The following ADIPOQ variants were observed in gnomAD, a reference collection of about 807,000 sequenced individuals.
ADIPOQ encodes the protein adiponectin.
In ADIPOQ, 19 loss-of-function variants were observed where a neutral mutation model predicts 16.1. The observed-to-expected ratio is 1.18, with a 90% CI of 0.82 to 1.73. The LOEUF (loss-of-function observed/expected upper bound fraction) is 1.73. ADIPOQ is among the 40% of genes most tolerant of loss of function. ADIPOQ has a pLI of 0.00. For missense variants in ADIPOQ, 323 were observed against 308.3 expected, an observed-to-expected ratio of 1.05 and a Z score of -0.36; for synonymous variants, 124 against 125.5, an observed-to-expected ratio of 0.99 and a Z score of 0.08.
At chr3:186,844,107 C>T (rs909115211) in intron 1 of ADIPOQ, among the ~76,000 whole-genome samples, 16 of 152,274 alleles carry the variant, frequency 1.1e-4, no homozygotes, top group African/African-American at 3.6e-4. Context: ...ATGATGGTGT[C>T]AGCTTTGTTC....
In ADIPOQ at chr3:186,854,240, C is replaced by G; in HGVS notation, c.271C>G (p.Pro91Ala). The G allele has an allele frequency of 6.2e-7, 1 of 1,613,564 alleles. No homozygotes were observed. The highest frequency in any genetic ancestry group is 1.1e-5 in the South Asian group (1 of 91,044). Reference sequence around the variant, plus strand: ...AACCGGAGTACCCGGGGCTGAAGGTCCCCGAGGCTTTCCGGGAATCCAAGG... The same window carrying G: ...AACCGGAGTACCCGGGGCTGAAGGTGCCCGAGGCTTTCCGGGAATCCAAGG... ...GETGVPGAEG[P>A]RGFPGIQGRK... Residue 91 changes from proline (P) to alanine (A), a missense_variant, in exon 3 of 3, where the codon CCC becomes GCC. Physicochemically the swap from Pro to Ala is conservative, Grantham distance 27 (BLOSUM62 -1). Coordinates refer to ENST00000320741, the MANE Select transcript of ADIPOQ (RefSeq NM_004797.4).
chr3:186,854,621 G>A lies in ADIPOQ; in HGVS notation c.652G>A (p.Glu218Lys). The A allele has an allele frequency of 2.5e-6, 4 of 1,614,208 alleles. No homozygotes were observed. Among genetic ancestry groups the A allele is most frequent in the Non-Finnish European group, 3.4e-6 (4 of 1,180,046 alleles). The change falls in exon 3 of 3, where the codon GAA (glutamate) becomes AAA (lysine). Residue 218 changes from glutamate (E) to lysine (K), a missense_variant. Transcript: ENST00000320741. Reference protein sequence around the residue: ...GDQVWLQVYGEGERNGLYADN... With the variant: ...GDQVWLQVYGKGERNGLYADN... ...CCAAGTCTGGCTCCAGGTGTATGGGGAAGGAGAGCGTAATGGACTCTATGC... is the reference window on the plus strand; with the variant it reads ...CCAAGTCTGGCTCCAGGTGTATGGGAAAGGAGAGCGTAATGGACTCTATGC...
rs1438845637 is a variant in ADIPOQ at position 186,854,890 on chromosome 3, C to T, written c.*186C>T. On this transcript the variant is annotated 3_prime_UTR_variant, in exon 3 of 3. Coordinates refer to ENST00000320741, the MANE Select transcript of ADIPOQ (RefSeq NM_004797.4). ...AAAAATCATATGCTATGTTCCCAGTCCTGGGGAGCTTCACAAACATGACCA... is the reference window on the plus strand; with the variant it reads ...AAAAATCATATGCTATGTTCCCAGTTCTGGGGAGCTTCACAAACATGACCA... 1 of 846,376 alleles carries T rather than the reference C, an allele frequency of 1.2e-6. No individual in the cohort carries two copies. The highest frequency in any genetic ancestry group is 1.8e-6 in the Non-Finnish European group (1 of 555,016). 52.4% of individuals were successfully genotyped at this position (846,376 alleles called of 1,614,324 possible). A position where few individuals can be genotyped will look rare whatever the true frequency, so the allele number is the denominator to read the frequency against.
At chr3:186,844,056 A>T (rs562267535) in intron 1 of ADIPOQ, among the ~76,000 whole-genome samples, 5 of 152,130 alleles carry the variant, frequency 3.3e-5, no homozygotes, top group Admixed American at 6.6e-5. Flanking sequence ...GGTTGGGGAG[A>T]TGGGGGTCCC....
chr3:186,854,260 C>T lies in ADIPOQ; in HGVS notation c.291C>T (p.Ile97=). 2.5e-6 allele frequency: 4 copies of T among 1,613,820 alleles called. No individual in the cohort carries two copies. Among genetic ancestry groups the T allele is most frequent in the Non-Finnish European group, 3.4e-6 (4 of 1,179,724 alleles). Residue 97 remains isoleucine (I), a synonymous_variant, in exon 3 of 3, where the codon ATC becomes ATT. Coordinates refer to ENST00000320741, the MANE Select transcript of ADIPOQ (RefSeq NM_004797.4). ...AAGGTCCCCGAGGCTTTCCGGGAAT[C>T]CAAGGCAGGAAAGGAGAACCTGGAG... The part of the protein sequence containing the change: ...GAEGPRGFPG[I]QGRKGEPGEG...
chr3:186,847,431 C>T (rs565924357), intron 1 of ADIPOQ, among the ~76,000 whole-genome samples: 2 of 152,300 alleles, frequency 1.3e-5, no homozygotes, highest in East Asian at 1.9e-4. Flanking sequence ...TATACAACAA[C>T]TATGTTATTT....
intron 1 of ADIPOQ, among the ~76,000 whole-genome samples, chr3:186,848,359 A>T (rs576030458): frequency 6.6e-6 from 1 of 152,242 alleles, no homozygotes; most frequent in Non-Finnish European, 1.5e-5. Context: ...GGCAATATCT[A>T]AAAAAATAGG....
chr3:186,852,222 T>C (rs1455840683), intron 1 of ADIPOQ: 1 of 152,356 alleles, frequency 6.6e-6, no homozygotes, highest in African/African-American at 2.4e-5. Flanking sequence ...CAAACCATAT[T>C]ACCAGGGCAC....
rs1231880358 is a variant in ADIPOQ at position 186,856,704 on chromosome 3, T to A, written c.*2000T>A. 1 of 152,066 alleles carries A rather than the reference T, an allele frequency of 6.6e-6. No individual in the cohort carries two copies. The highest frequency in any genetic ancestry group is 1.5e-5 in the Non-Finnish European group (1 of 68,012). The allele number at this position is 152,066 out of a possible 1,614,324, so 9.4% of individuals were successfully genotyped here. Reference sequence around the variant, plus strand: ...TGACCTTGTGATCTGCCCGCCTCCATTTTTGTTGTTATTTTTTGAGAAAGA... The same window carrying A: ...TGACCTTGTGATCTGCCCGCCTCCAATTTTGTTGTTATTTTTTGAGAAAGA... On this transcript the variant is annotated 3_prime_UTR_variant, in exon 3 of 3. Coordinates refer to ENST00000320741, the MANE Select transcript of ADIPOQ (RefSeq NM_004797.4).
chr3:186,854,129 C>G, intron 2 of ADIPOQ, 55 bp from the exon 3 acceptor site: 3 of 1,580,116 alleles, frequency 1.9e-6, no homozygotes, highest in Middle Eastern at 1.7e-4. Flanking sequence ...AGGCTGTAAC[C>G]AACCTAGGCA....
chr3:186,847,198 G>C (rs544192715), intron 1 of ADIPOQ, among the ~76,000 whole-genome samples: 3 of 152,288 alleles, frequency 2.0e-5, no homozygotes, highest in South Asian at 2.1e-4. Flanking sequence ...CGCATTACAG[G>C]TCAGAACAAA....
At chr3:186,847,731 A>T (rs1319608390) in intron 1 of ADIPOQ, among the ~76,000 whole-genome samples, 3 of 152,224 alleles carry the variant, frequency 2.0e-5, no homozygotes, top group Non-Finnish European at 4.4e-5. Context: ...CCACAGGGAC[A>T]CAACAAATAG....
rs1427130854 is a variant in ADIPOQ at position 186,855,802 on chromosome 3, A to G, written c.*1098A>G. Reference sequence around the variant, plus strand: ...ATGGATGAGAGTCCTGGGTGTGAGGAACACCTCCCACCAGGCTAGAGGCAA... The same window carrying G: ...ATGGATGAGAGTCCTGGGTGTGAGGGACACCTCCCACCAGGCTAGAGGCAA... On this transcript the variant is annotated 3_prime_UTR_variant, in exon 3 of 3. Coordinates refer to ENST00000320741, the MANE Select transcript of ADIPOQ (RefSeq NM_004797.4). The G allele has an allele frequency of 6.6e-6, 1 of 152,066 alleles. No individual in the cohort carries two copies. The highest frequency in any genetic ancestry group is 1.5e-5 in the Non-Finnish European group (1 of 68,028). The allele number at this position is 152,066 out of a possible 1,614,324, so 9.4% of individuals were successfully genotyped here.
chr3:186,843,055 G>A (rs1435377958), intron 1 of ADIPOQ, among the ~76,000 whole-genome samples: 4 of 152,212 alleles, frequency 2.6e-5, no homozygotes, highest in African/African-American at 7.2e-5. Context: ...AGGTGGAAGG[G>A]TCTGTCCACA....
Position 186,854,403 on chromosome 3 carries a change from G to T in ADIPOQ, c.434G>T (p.Gly145Val), listed in dbSNP as rs1418713475. Residue 145 changes from glycine to valine, a missense_variant, in exon 3 of 3, where the codon GGC becomes GTC. Physicochemically the swap from Gly to Val is moderately radical, Grantham distance 109 (BLOSUM62 -3). Transcript: ENST00000320741. ...TACAATCAGCAAAACCACTATGATG[G>T]CTCCACTGGTAAATTCCACTGCAAC... ...IFYNQQNHYD[G>V]STGKFHCNIP... 1.2e-6 allele frequency: 2 copies of T among 1,614,038 alleles called. No homozygotes were observed. Among genetic ancestry groups the T allele is most frequent in the African/African-American group, 2.7e-5 (2 of 74,894 alleles).
intron 1 of ADIPOQ, among the ~76,000 whole-genome samples, chr3:186,846,363 CT>C (rs1057118667): frequency 1.3e-5 from 2 of 152,042 alleles, no homozygotes; most frequent in Non-Finnish European, 2.9e-5. Context: ...TCCTGAGTAC[CT>C]GGGATTACAG....
In ADIPOQ at chr3:186,855,787, G is replaced by A. The variant is rs542150427; in HGVS notation, c.*1083G>A. On this transcript the variant is annotated 3_prime_UTR_variant, in exon 3 of 3. Coordinates refer to ENST00000320741, the MANE Select transcript of ADIPOQ (RefSeq NM_004797.4). ...ACTTTTTATTTTGCCATGGATGAGA[G>A]TCCTGGGTGTGAGGAACACCTCCCA... is the stretch of plus-strand genomic sequence containing the variant. 1 of 152,302 alleles carries A rather than the reference G, an allele frequency of 6.6e-6. No individual in the cohort carries two copies. The highest frequency in any genetic ancestry group is 2.1e-4 in the South Asian group (1 of 4,828). The allele number at this position is 152,302 out of a possible 1,614,324, so 9.4% of individuals were successfully genotyped here. A position where few individuals can be genotyped will look rare whatever the true frequency, so the allele number is the denominator to read the frequency against.
intron 1 of ADIPOQ, among the ~76,000 whole-genome samples, chr3:186,843,466 C>T (rs977106352): frequency 2.6e-5 from 4 of 151,888 alleles, no homozygotes; most frequent in Admixed American, 2.0e-4. Context: ...TCCAGACTAG[C>T]CTGACCAACA....
At chr3:186,850,262 CCT>C (rs1347448191) in intron 1 of ADIPOQ, among the ~76,000 whole-genome samples, 1 of 142,894 alleles carries the variant, frequency 7.0e-6, no homozygotes, top group East Asian at 2.0e-4. Flanking sequence ...AGTGTGAAAT[CCT>C]CTCTCTCAAA....
Sources: allele counts gnomAD v4.1 joint callset (sites outside exome capture counted in the v4.1 genomes callset), GRCh38; gene constraint gnomAD v4.1.1; transcripts MANE v1.5; gene names NCBI Gene and HGNC (gene_info 2026-07-23, HGNC 2026-07-21).